Variants in THAP12 observed in about 807,000 individuals in gnomAD.
THAP12 encodes THAP domain containing 12.
Under a neutral mutation model 63.0 loss-of-function variants are expected in THAP12, and 20 were observed. That is an observed-to-expected ratio of 0.32 (90% CI 0.22 to 0.46). The LOEUF (loss-of-function observed/expected upper bound fraction) is 0.46, where lower values mean the gene tolerates loss of function less well. Ranked by LOEUF, THAP12 falls within the 20% of genes least tolerant of loss-of-function variation. THAP12 has a pLI of 1.00. For missense variants in THAP12, 568 were observed against 908.2 expected, an observed-to-expected ratio of 0.63 and a Z score of 4.81; for synonymous variants, 264 against 328.4, an observed-to-expected ratio of 0.80 and a Z score of 2.12.
chr11:76,356,151 G>A (rs1946559714), intron 3 of THAP12: 1 of 152,590 alleles, frequency 6.6e-6, no homozygotes, highest in South Asian at 2.1e-4. Flanking sequence ...CATACACAGA[G>A]CATAGTAGGC....
intron 1 of THAP12, among the ~76,000 whole-genome samples, chr11:76,368,250 A>G (rs923517583): frequency 1.3e-5 from 2 of 152,228 alleles, no homozygotes; most frequent in South Asian, 2.1e-4. Flanking sequence ...TTCTATATGA[A>G]CTACTTAAGA....
chr11:76,351,325 G>C lies in THAP12; in HGVS notation c.1825C>G (p.Pro609Ala), dbSNP rs1293649740. The change falls in exon 5 of 5, where the codon CCC (proline) becomes GCC (alanine). Residue 609 changes from proline to alanine, a missense_variant. By Grantham distance (27) the Pro-to-Ala change is conservative. Coordinates refer to ENST00000260045, the MANE Select transcript of THAP12 (RefSeq NM_004705.4). ...AATTTGAGTTGTCCCATGACTGAGG[G>C]TACCAGAGATAAGCATTTAAGAGCT... The part of the protein sequence containing the change: ...LKALKCLSLV[P>A]SVMGQLKFNT... The C allele has an allele frequency of 1.3e-6, 2 of 1,590,624 alleles. No individual in the cohort carries two copies. The highest frequency in any genetic ancestry group is 2.3e-5 in the East Asian group (1 of 44,416).
intron 1 of THAP12, among the ~76,000 whole-genome samples, chr11:76,370,134 C>T (rs1946660319): frequency 6.6e-6 from 1 of 152,188 alleles, no homozygotes; most frequent in Admixed American, 6.5e-5. Context: ...AGCTTCCATT[C>T]ATTCTCCCTC....
In THAP12 at chr11:76,380,967, G is replaced by C. The variant is rs1946755360; in HGVS notation, c.-131C>G. 4.7e-6 allele frequency: 2 copies of C among 423,906 alleles called. No homozygotes were observed. The highest frequency in any genetic ancestry group is 7.2e-6 in the Non-Finnish European group (2 of 277,044). The allele number at this position is 423,906 out of a possible 1,614,324, so 26.3% of individuals were successfully genotyped here. On this transcript the variant is annotated 5_prime_UTR_variant, in exon 1 of 5. Transcript: ENST00000260045. ...GGCAGGGCCGACGCGCGGGGGAGGG[G>C]CGGGCGGGCTAGAAGCCGCGAGGGC... is the stretch of plus-strand genomic sequence containing the variant.
chr11:76,363,972 T>C (rs542034211), intron 2 of THAP12, among the ~76,000 whole-genome samples: 2 of 152,314 alleles, frequency 1.3e-5, no homozygotes, highest in Non-Finnish European at 2.9e-5. Flanking sequence ...CACATTTGCG[T>C]TCATTTATTC....
intron 1 of THAP12, among the ~76,000 whole-genome samples, chr11:76,380,545 G>A (rs1209807451): frequency 1.3e-5 from 2 of 152,168 alleles, no homozygotes; most frequent in Admixed American, 6.5e-5. Flanking sequence ...ACCAGCGCAC[G>A]TGCTCCGAGG....
In THAP12 at chr11:76,352,461, C is replaced by T. The variant is rs1946534147; in HGVS notation, c.689G>A (p.Cys230Tyr). 3 of 1,611,848 alleles carry T rather than the reference C, an allele frequency of 1.9e-6. No homozygotes were observed. The highest frequency in any genetic ancestry group is 2.5e-6 in the Non-Finnish European group (3 of 1,179,850). ...FETTAVNTLFCSKTQQRQMLE... is the reference protein window; with the variant it reads ...FETTAVNTLFYSKTQQRQMLE... ...CATCTGCCTCTGCTGTGTTTTTGAACAAAACAACGTGTTAACTGCTGTTGT... is the reference window on the plus strand; with the variant it reads ...CATCTGCCTCTGCTGTGTTTTTGAATAAAACAACGTGTTAACTGCTGTTGT... Residue 230 changes from cysteine to tyrosine, a missense_variant, in exon 5 of 5, where the codon TGT becomes TAT. By Grantham distance (194) the Cys-to-Tyr change is radical. Coordinates refer to ENST00000260045, the MANE Select transcript of THAP12 (RefSeq NM_004705.4).
Position 76,351,273 on chromosome 11 carries a change from T to C in THAP12, c.1877A>G (p.Asp626Gly). 1.3e-6 allele frequency: 2 copies of C among 1,570,368 alleles called. No individual in the cohort carries two copies. Among genetic ancestry groups the C allele is most frequent in the East Asian group, 2.3e-5 (1 of 44,354 alleles). Residue 626 changes from aspartate to glycine, a missense_variant, in exon 5 of 5, where the codon GAC becomes GGC. By Grantham distance (94) the Asp-to-Gly change is moderately conservative. Transcript: ENST00000260045. ...ATTGGGTAAGTCACTTCTATACATGTCAGCATGGTGTTCCTCCGACGTATT... is the reference window on the plus strand; with the variant it reads ...ATTGGGTAAGTCACTTCTATACATGCCAGCATGGTGTTCCTCCGACGTATT... ...KFNTSEEHHADMYRSDLPNPD... is the reference protein window; with the variant it reads ...KFNTSEEHHAGMYRSDLPNPD...
chr11:76,378,849 T>G (rs1013018563), intron 1 of THAP12, among the ~76,000 whole-genome samples: 1 of 152,108 alleles, frequency 6.6e-6, no homozygotes, highest in Non-Finnish European at 1.5e-5. Flanking sequence ...CCTCAAGTGA[T>G]CCGCCTGCTT....
Position 76,380,735 on chromosome 11 carries a change from G to T in THAP12, c.89+13C>A. On this transcript the variant is annotated intron_variant, in intron 1 of 4. Transcript: ENST00000260045. ...GGTGGGCCCGGGCCGCCCGCTCTGC[G>T]CCCGCCGCTTACCTGGCAGGGTCCC... 1 of 1,417,210 alleles carries T rather than the reference G, an allele frequency of 7.1e-7. No homozygotes were observed. Among genetic ancestry groups the T allele is most frequent in the East Asian group, 3.2e-5 (1 of 31,200 alleles). The allele number at this position is 1,417,210 out of a possible 1,614,324, so 87.8% of individuals were successfully genotyped here. A position where few individuals can be genotyped will look rare whatever the true frequency, so the allele number is the denominator to read the frequency against.
At chr11:76,355,805 A>C (rs1356577510) in intron 3 of THAP12, 151 bp from the exon 4 acceptor site, 4 of 538,280 alleles carry the variant, frequency 7.4e-6, no homozygotes, top group Non-Finnish European at 1.2e-5. Context: ...CACATTCTTC[A>C]AACAAACAGA....
chr11:76,367,278 G>A (rs1946638114), intron 1 of THAP12, among the ~76,000 whole-genome samples: 1 of 152,150 alleles, frequency 6.6e-6, no homozygotes, highest in African/African-American at 2.4e-5. Flanking sequence ...GTTTCTCCAT[G>A]TTGGTCAGGC....
intron 4 of THAP12, among the ~76,000 whole-genome samples, chr11:76,354,215 T>C (rs1565231216): frequency 6.6e-6 from 1 of 152,158 alleles, no homozygotes; most frequent in Non-Finnish European, 1.5e-5. Flanking sequence ...GTGTGAGCCA[T>C]GCTTCAGAGC....
chr11:76,361,236 C>T, intron 2 of THAP12, 173 bp from the exon 3 acceptor site: 2 of 496,660 alleles, frequency 4.0e-6, no homozygotes, highest in Non-Finnish European at 3.5e-6. Context: ...ACTGTGCCTG[C>T]ATTTGCCCTT....
intron 3 of THAP12, chr11:76,356,479 A>C (rs556670489): frequency 6.6e-6 from 1 of 152,358 alleles, no homozygotes; most frequent in South Asian, 2.1e-4. Flanking sequence ...GGGACAGACT[A>C]CAGGGAAATG....
At chr11:76,375,689 A>C (rs1946704283) in intron 1 of THAP12, among the ~76,000 whole-genome samples, 2 of 137,458 alleles carry the variant, frequency 1.5e-5, no homozygotes, top group Non-Finnish European at 3.0e-5. Context: ...TTTGAAGACT[A>C]GACTGGCAAT....
chr11:76,367,411 TG>T (rs1946639314), intron 1 of THAP12, among the ~76,000 whole-genome samples: 1 of 150,884 alleles, frequency 6.6e-6, no homozygotes, highest in Non-Finnish European at 1.5e-5. Context: ...AGTTCTGCCG[TG>T]GATAAACAGT....
At chr11:76,379,491 C>T (rs2134521137) in intron 1 of THAP12, among the ~76,000 whole-genome samples, 1 of 152,346 alleles carries the variant, frequency 6.6e-6, no homozygotes, top group South Asian at 2.1e-4. Context: ...CATCTCACCT[C>T]TCTCCCAGTC....
At position 76,361,073 on chromosome 11, in the gene THAP12, A is replaced by G; in HGVS notation, c.211-10T>C. The stretch of plus-strand genomic sequence containing the variant: ...CTGTCCTATAAGGACTCTGAAAAAG[A>G]AAATTGTGTTAATTCAGAGATGGTC... On this transcript the variant is annotated splice_polypyrimidine_tract_variant and intron_variant, in intron 2 of 4. Transcript: ENST00000260045. The G allele has an allele frequency of 1.3e-6, 2 of 1,540,010 alleles. No homozygotes were observed. The highest frequency in any genetic ancestry group is 1.1e-5 in the South Asian group (1 of 88,590).
Sources: gnomAD v4.1 joint callset for allele counts (sites outside exome capture counted in the v4.1 genomes callset) on GRCh38, gnomAD v4.1.1 for gene constraint, MANE v1.5 for transcripts, NCBI Gene and HGNC (gene_info 2026-07-23, HGNC 2026-07-21) for gene names.